The following DNASE1L3 variants were observed in gnomAD, a reference collection of about 807,000 sequenced individuals.
DNASE1L3 encodes deoxyribonuclease 1L3.
A neutral mutation model predicts 30.9 loss-of-function variants in DNASE1L3; 27 were observed. The ratio of observed to expected loss-of-function variants is 0.87; its 90% confidence interval spans 0.64 to 1.20. The LOEUF is 1.20. Among genes scored for constraint, DNASE1L3 ranks in the 50% most tolerant of loss-of-function variants. The pLI, the probability that DNASE1L3 is intolerant of heterozygous loss-of-function variation, is 0.00. For synonymous variants in DNASE1L3, 135 were observed against 138.0 expected, an observed-to-expected ratio of 0.98 and a Z score of 0.15; for missense variants, 364 against 378.2, an observed-to-expected ratio of 0.96 and a Z score of 0.31.
In DNASE1L3 at chr3:58,200,389, C is replaced by T. The variant is rs2097399897; in HGVS notation, c.546+608G>A. 6.6e-6 allele frequency among the ~76,000 whole-genome samples: 1 copy of T among 152,146 alleles called. No homozygotes were observed. Among genetic ancestry groups the T allele is most frequent in the African/African-American group, 2.4e-5 (1 of 41,414 alleles). On this transcript the variant is annotated intron_variant, in intron 5 of 7. Coordinates refer to ENST00000394549, the MANE Select transcript of DNASE1L3 (RefSeq NM_004944.4). This position sits in a 1 kb window ranked among gnomAD's most constrained non-coding sequence, Gnocchi z 4.2. ...TGGAGGCTGCTGGTGGCTGTCCTGC[C>T]ATCCCAGGGATGGAACCAACCTGAG...
rs749693881 is a variant in DNASE1L3 at position 58,201,127 on chromosome 3, G to A, written c.434-18C>T. 2 of 1,596,594 alleles carry A rather than the reference G, an allele frequency of 1.3e-6. No homozygotes were observed. The highest frequency in any genetic ancestry group is 1.3e-5 in the African/African-American group (1 of 74,608). ...TTTGACAGCTGAGAAACAGGAAAGA[G>A]GCGGGGGTCACACACTTCCCCTGTC... On this transcript the variant is annotated intron_variant, in intron 4 of 7. Transcript: ENST00000394549.
intron 4 of DNASE1L3, among the ~76,000 whole-genome samples, chr3:58,203,407 C>T (rs2097402009): frequency 6.6e-6 from 1 of 152,320 alleles, no homozygotes; most frequent in East Asian, 1.9e-4. Flanking sequence ...AATGTCACCT[C>T]CTCTGTCTTG....
intron 4 of DNASE1L3, among the ~76,000 whole-genome samples, chr3:58,203,661 G>T (rs1163192102): frequency 6.6e-6 from 1 of 152,034 alleles, no homozygotes; most frequent in African/African-American, 2.4e-5. Flanking sequence ...TTAGCTGAGT[G>T]TGGTGGTGCA....
chr3:58,208,109 G>T, intron 2 of DNASE1L3, 109 bp downstream of exon 2: 2 of 1,054,912 alleles, frequency 1.9e-6, no homozygotes, highest in Non-Finnish European at 2.9e-6. Flanking sequence ...CTGGCTGTGT[G>T]AACTGGTGGT....
chr3:58,204,266 G>A (rs1227522150), intron 4 of DNASE1L3, among the ~76,000 whole-genome samples: 4 of 151,106 alleles, frequency 2.6e-5, no homozygotes, highest in South Asian at 2.1e-4. Flanking sequence ...TCAGCCTCCC[G>A]AGTAGCTGGG....
At chr3:58,205,650 C>T in intron 2 of DNASE1L3, 90 bp from the exon 3 acceptor site, 7 of 1,078,730 alleles carry the variant, frequency 6.5e-6, no homozygotes, top group Non-Finnish European at 9.9e-6. Context: ...CTCCATACGC[C>T]CAATGGCATC....
intron 6 of DNASE1L3, 60 bp from the exon 7 acceptor site, chr3:58,193,499 C>T: frequency 6.9e-7 from 1 of 1,450,808 alleles, no homozygotes; most frequent in Non-Finnish European, 9.6e-7. Flanking sequence ...TGAGATCAAA[C>T]CAAGGTCTGT....
chr3:58,192,624 C>A lies in DNASE1L3; in HGVS notation c.*63G>T. 6.6e-7 allele frequency: 1 copy of A among 1,511,068 alleles called. No individual in the cohort carries two copies. Among genetic ancestry groups the A allele is most frequent in the South Asian group, 1.2e-5 (1 of 83,322 alleles). 93.6% of individuals were successfully genotyped at this position (1,511,068 alleles called of 1,614,324 possible). A position where few individuals can be genotyped will look rare whatever the true frequency, so the allele number is the denominator to read the frequency against. The stretch of plus-strand genomic sequence containing the variant: ...TGTTTCCTAAGTACAGGGAGCAGTT[C>A]ATATCTGTTAGAGACATTTTATTTA... On this transcript the variant is annotated 3_prime_UTR_variant, in exon 8 of 8. Coordinates refer to ENST00000394549, the MANE Select transcript of DNASE1L3 (RefSeq NM_004944.4). The surrounding 1 kb of genome is among the most constrained non-coding windows in gnomAD (Gnocchi z 4.8).
rs138680902 is a variant in DNASE1L3 at position 58,207,028 on chromosome 3, T to C, written c.230+1190A>G. Among the ~76,000 whole-genome samples, 74 of 152,292 alleles carry C rather than the reference T, an allele frequency of 4.9e-4. No homozygotes were observed. In the East Asian group the frequency reaches 0.014, roughly 28 times the overall value. On this transcript the variant is annotated intron_variant, in intron 2 of 7. Coordinates refer to ENST00000394549, the MANE Select transcript of DNASE1L3 (RefSeq NM_004944.4). ...AGGATCTACCATCTCATCTTGCTCC[T>C]GCCCAAGACCCAGACATGGCTTTTG...
intron 2 of DNASE1L3, 102 bp from the exon 3 acceptor site, chr3:58,205,662 T>C: frequency 1.1e-6 from 1 of 932,794 alleles, no homozygotes; most frequent in Non-Finnish European, 1.7e-6. Flanking sequence ...AATGGCATCA[T>C]GTGGAAGGGC....
Position 58,204,777 on chromosome 3 carries a change from G to A in DNASE1L3, c.425C>T (p.Pro142Leu). Residue 142 changes from proline (P) to leucine (L), a missense_variant, in exon 4 of 8, where the codon CCC (proline) becomes CTC (leucine). Coordinates refer to ENST00000394549, the MANE Select transcript of DNASE1L3 (RefSeq NM_004944.4). Reference protein sequence around the residue: ...REPFVVWFQSPHTAVKDFVII... With the variant: ...REPFVVWFQSLHTAVKDFVII... The stretch of plus-strand genomic sequence containing the variant: ...GCCTGTGTGGGTCTTACCAGTGTGG[G>A]GAGATTGGAACCAGACCACAAAGGG... The A allele has an allele frequency of 6.2e-7, 1 of 1,614,114 alleles. No individual in the cohort carries two copies. The highest frequency in any genetic ancestry group is 8.5e-7 in the Non-Finnish European group (1 of 1,179,976).
At chr3:58,208,813 A>G (rs1046155366) in intron 1 of DNASE1L3, among the ~76,000 whole-genome samples, 1 of 152,206 alleles carries the variant, frequency 6.6e-6, no homozygotes, top group Admixed American at 6.5e-5. Flanking sequence ...TTATTAGCCC[A>G]TTAAACATAG....
intron 6 of DNASE1L3, among the ~76,000 whole-genome samples, chr3:58,195,560 G>A (rs1310988625): frequency 1.5e-5 from 2 of 132,580 alleles, no homozygotes; most frequent in South Asian, 2.4e-4. Flanking sequence ...CTGAGGTCAC[G>A]AGTTCAAGAC....
intron 6 of DNASE1L3, among the ~76,000 whole-genome samples, chr3:58,196,551 TAAAAAAAAAAAAAAA>T (rs60743972): frequency 1.6e-5 from 1 of 60,716 alleles, no homozygotes; most frequent in Non-Finnish European, 3.0e-5. Flanking sequence ...AGACTCTGTC[TAAAAAAAAAAAAAAA>T]AAAAAAAAAA....
rs760783527 is a variant in DNASE1L3, at chr3:58,200,978, C to T, written c.546+19G>A. 20 of 1,602,376 alleles carry T rather than the reference C, an allele frequency of 1.2e-5. No homozygotes were observed. Among genetic ancestry groups the T allele is most frequent in the Non-Finnish European group, 1.7e-5 (20 of 1,172,084 alleles). ...CTGCCCCTGCTAGATGGGAATTCGT[C>T]TGACACAGCAGTCCTCACCTCCGCC... On this transcript the variant is annotated intron_variant, in intron 5 of 7. Transcript: ENST00000394549. This position sits in a 1 kb window ranked among gnomAD's most constrained non-coding sequence, Gnocchi z 4.2.
At chr3:58,199,651 G>A (rs973007780) in intron 5 of DNASE1L3, among the ~76,000 whole-genome samples, 8 of 150,212 alleles carry the variant, frequency 5.3e-5, no homozygotes, top group East Asian at 2.0e-4. Flanking sequence ...GGACAAGAGC[G>A]AGATTTCATC....
At chr3:58,199,429 G>A (rs372124538) in intron 5 of DNASE1L3, among the ~76,000 whole-genome samples, 329 of 152,244 alleles carry the variant, frequency 2.2e-3, no homozygotes, top group Middle Eastern at 0.017. Context: ...CAGCACTTTG[G>A]GAAGCCGAGG....
In DNASE1L3 at chr3:58,204,868, A is replaced by G; in HGVS notation, c.334T>C (p.Ser112Pro). 2 of 1,614,120 alleles carry G rather than the reference A, an allele frequency of 1.2e-6. No homozygotes were observed. The highest frequency in any genetic ancestry group is 1.7e-6 in the Non-Finnish European group (2 of 1,179,994). ...TGGTAGTGATAACTCCTCTTCACAGACACCAGCTTTTCCCTATAAGAAGGA... is the reference window on the plus strand; with the variant it reads ...TGGTAGTGATAACTCCTCTTCACAGGCACCAGCTTTTCCCTATAAGAAGGA... ...YAFLYKEKLV[S>P]VKRSYHYHDY... The change falls in exon 4 of 8, where the codon TCT (serine) becomes CCT (proline). Residue 112 changes from serine to proline, a missense_variant. Ser to Pro is a moderately conservative substitution (Grantham distance 74, BLOSUM62 -1). Coordinates refer to ENST00000394549, the MANE Select transcript of DNASE1L3 (RefSeq NM_004944.4).
chr3:58,193,527 A>G (rs2097395430), intron 6 of DNASE1L3, 88 bp from the exon 7 acceptor site: 12 of 1,201,514 alleles, frequency 1.0e-5, no homozygotes, highest in Non-Finnish European at 1.4e-5. Flanking sequence ...GTCTGGAATT[A>G]ACCGAGCAGT....
Sources: gnomAD v4.1 joint callset for allele counts (sites outside exome capture counted in the v4.1 genomes callset) on GRCh38, gnomAD v4.1.1 for gene constraint, Gnocchi (gnomAD v3.1) non-coding constraint, MANE v1.5 for transcripts, NCBI Gene and HGNC (gene_info 2026-07-23, HGNC 2026-07-21) for gene names.